AKAP6: variants seen among roughly 807,000 people sequenced by gnomAD.
The protein encoded by AKAP6 is A-kinase anchor protein 6.
Under a neutral mutation model 188.5 loss-of-function variants are expected in AKAP6, and 58 were observed. That is an observed-to-expected ratio of 0.31 (90% confidence interval 0.25 to 0.38). The LOEUF is 0.38. AKAP6 is among the 10% of genes least tolerant of loss of function. The pLI, the probability that AKAP6 is intolerant of heterozygous loss-of-function variation, is 1.00. For synonymous variants in AKAP6, 989 were observed against 998.6 expected (o/e 0.99, Z 0.18); for missense variants, 2,710 against 2,740.0 (o/e 0.99, Z 0.24).
intron 9 of AKAP6, among the ~76,000 whole-genome samples, chr14:32,722,595 G>C (rs1197331972): frequency 6.6e-6 from 1 of 152,126 alleles, no homozygotes; most frequent in Non-Finnish European, 1.5e-5. Flanking sequence ...TGGCAGAGCA[G>C]AGCAGTGCAG....
chr14:32,394,614 A>G (rs527938075), intron 1 of AKAP6, among the ~76,000 whole-genome samples: 2 of 152,328 alleles, frequency 1.3e-5, no homozygotes, highest in Admixed American at 6.5e-5. Flanking sequence ...TCTCTTCTCT[A>G]TGCCTAAATG....
intron 11 of AKAP6, among the ~76,000 whole-genome samples, chr14:32,764,579 A>C (rs2032644941): frequency 6.6e-6 from 1 of 152,206 alleles, no homozygotes; most frequent in Non-Finnish European, 1.5e-5. Context: ...CTTTGGATTC[A>C]GGCTGCCTGG....
intron 12 of AKAP6, among the ~76,000 whole-genome samples, chr14:32,774,368 C>A (rs1261487395): frequency 1.3e-5 from 2 of 152,190 alleles, no homozygotes; most frequent in African/African-American, 4.8e-5. Flanking sequence ...TTTTCCCTGA[C>A]ATGACATGAG....
intron 2 of AKAP6, among the ~76,000 whole-genome samples, chr14:32,486,477 T>C (rs4427713): frequency 0.67 from 102,200 of 152,082 alleles, 35,830 homozygotes; most frequent in East Asian, 0.89. Flanking sequence ...TTGTTTGTGT[T>C]GTATCTTATT....
intron 1 of AKAP6, among the ~76,000 whole-genome samples, chr14:32,346,904 T>A (rs1594524445): frequency 6.6e-6 from 1 of 152,344 alleles, no homozygotes; most frequent in East Asian, 1.9e-4. Flanking sequence ...GGGGTGGTGA[T>A]AGTTACTTCT....
chr14:32,825,400 AAAG>A (rs544952340), intron 13 of AKAP6, among the ~76,000 whole-genome samples: 51 of 152,210 alleles, frequency 3.4e-4, no homozygotes, highest in Non-Finnish European at 6.5e-4. Flanking sequence ...AGTTGATGTT[AAAG>A]AAGAGGCTCT....
chr14:32,786,061 C>A (rs2033390913), intron 12 of AKAP6, among the ~76,000 whole-genome samples: 1 of 151,980 alleles, frequency 6.6e-6, no homozygotes. Context: ...CTGAGGACAC[C>A]ACTGCCATTG....
At chr14:32,708,106 A>C (rs1238024647) in intron 9 of AKAP6, among the ~76,000 whole-genome samples, 2 of 152,114 alleles carry the variant, frequency 1.3e-5, no homozygotes, top group Non-Finnish European at 2.9e-5. Context: ...ATACATGTGA[A>C]GGTAACATGT....
At chr14:32,774,019 A>C (rs761480286) in intron 12 of AKAP6, 126 bp downstream of exon 12, 1 of 1,034,390 alleles carries the variant, frequency 9.7e-7, no homozygotes, top group Non-Finnish European at 1.5e-6. Flanking sequence ...TGGTTTTGCC[A>C]TCTTACAAGT....
At chr14:32,581,605 C>G (rs1040339217) in intron 5 of AKAP6, among the ~76,000 whole-genome samples, 1 of 152,080 alleles carries the variant, frequency 6.6e-6, no homozygotes, top group African/African-American at 2.4e-5. Flanking sequence ...GTTAAAGTCT[C>G]CCATTATTAT....
chr14:32,661,957 C>T (rs145857208), intron 7 of AKAP6, among the ~76,000 whole-genome samples: 65 of 152,036 alleles, frequency 4.3e-4, no homozygotes, highest in African/African-American at 1.5e-3. Flanking sequence ...TATCCTATTA[C>T]CAAGTGATTC....
intron 2 of AKAP6, among the ~76,000 whole-genome samples, chr14:32,462,919 A>AAAAAAAAAAAAAAAAAG (rs1566517619): frequency 7.4e-6 from 1 of 134,934 alleles, no homozygotes; most frequent in East Asian, 2.1e-4. Flanking sequence ...AAAAAAAAAA[A>AAAAAAAAAAAAAAAAAG]AAAAAAACCC....
Position 32,506,146 on chromosome 14 carries a change from T to A in AKAP6, c.325-29408T>A, listed in dbSNP as rs186845265. Among the ~76,000 whole-genome samples, 13 of 151,924 alleles carry A rather than the reference T, an allele frequency of 8.6e-5. No individual in the cohort carries two copies. In the East Asian group the frequency reaches 1.9e-3, roughly 23 times the overall value. On this transcript the variant is annotated intron_variant, in intron 2 of 13. Coordinates refer to ENST00000280979, the MANE Select transcript of AKAP6 (RefSeq NM_004274.5). ...TGACAGAGTGAGACTCCATCTCAAA[T>A]AATAATAATAATGATAATAATTATA...
intron 1 of AKAP6, among the ~76,000 whole-genome samples, chr14:32,400,786 C>T (rs1889063995): frequency 6.6e-6 from 1 of 152,112 alleles, no homozygotes; most frequent in Non-Finnish European, 1.5e-5. Context: ...ACACAGATTG[C>T]TCTGCTGCTG....
intron 1 of AKAP6, among the ~76,000 whole-genome samples, chr14:32,402,798 C>T (rs746476785): frequency 5.9e-5 from 9 of 151,620 alleles, no homozygotes; most frequent in African/African-American, 9.7e-5. Flanking sequence ...GGCGTGATCT[C>T]GGCTCACTGC....
intron 11 of AKAP6, among the ~76,000 whole-genome samples, chr14:32,747,952 C>T (rs2139892184): frequency 6.6e-6 from 1 of 152,206 alleles, no homozygotes; most frequent in East Asian, 1.9e-4. Context: ...GTCAGACAGA[C>T]CAGATTCATG....
chr14:32,677,970 AG>A lies in AKAP6; in HGVS notation c.2731-340del, dbSNP rs375595177. ...GTTGGAGGGGGATTTTTAAAAAATA[AG>A]TGCTACATATGTGACAACATAAGGA... On this transcript the variant is annotated intron_variant, in intron 7 of 13. Transcript: ENST00000280979. Among the ~76,000 whole-genome samples the A allele has an allele frequency of 2.0e-5, 3 of 152,356 alleles. No homozygotes were observed. The East Asian group carries it at 5.8e-4, about 29-fold the overall frequency.
chr14:32,536,207 G>T (rs375579112), intron 3 of AKAP6, among the ~76,000 whole-genome samples: 1 of 152,330 alleles, frequency 6.6e-6, no homozygotes, highest in South Asian at 2.1e-4. Flanking sequence ...AGACATTCAA[G>T]CCAAACTGTG....
intron 1 of AKAP6, among the ~76,000 whole-genome samples, chr14:32,378,779 CT>C (rs1252069744): frequency 6.6e-6 from 1 of 152,078 alleles, no homozygotes; most frequent in Non-Finnish European, 1.5e-5. Context: ...AATGGAAATA[CT>C]TTTATTTTGA....
Sources: allele counts gnomAD v4.1 joint callset (sites outside exome capture counted in the v4.1 genomes callset), GRCh38; gene constraint gnomAD v4.1.1; transcripts MANE v1.5; gene names NCBI Gene and HGNC (gene_info 2026-07-23, HGNC 2026-07-21).